TPRG1: variants seen among roughly 807,000 people sequenced by gnomAD.
TPRG1 encodes tumor protein p63-regulated gene 1 protein.
TPRG1 carries 29 observed loss-of-function variants against 29.3 expected under a neutral mutation model. The observed-to-expected ratio is 0.99, with a 90% CI of 0.74 to 1.35. The LOEUF is 1.35. Among genes scored for constraint, TPRG1 ranks in the 40% most tolerant of loss-of-function variants. The probability of loss-of-function intolerance (pLI) is 0.00; values close to 1 mark genes in which losing one functional copy is unlikely to be tolerated. For missense variants in TPRG1, 327 were observed against 335.0 expected, an observed-to-expected ratio of 0.98 and a Z score of 0.19; for synonymous variants, 130 against 116.8, an observed-to-expected ratio of 1.11 and a Z score of -0.73.
intron 4 of TPRG1, among the ~76,000 whole-genome samples, chr3:189,090,219 T>C (rs1293447397): frequency 1.3e-5 from 2 of 152,150 alleles, no homozygotes; most frequent in Non-Finnish European, 2.9e-5. Flanking sequence ...TGTCATTTAT[T>C]TCTAAATGGA....
intron 1 of TPRG1, among the ~76,000 whole-genome samples, chr3:189,196,196 T>C (rs1267211061): frequency 1.3e-5 from 2 of 152,314 alleles, no homozygotes; most frequent in East Asian, 3.9e-4. Flanking sequence ...TAATTTCTTA[T>C]TTGTAAAATG....
At chr3:189,146,091 C>T (rs1485909180) in intron 3 of TPRG1, among the ~76,000 whole-genome samples, 6 of 152,172 alleles carry the variant, frequency 3.9e-5, no homozygotes, top group Non-Finnish European at 2.9e-5. Flanking sequence ...ATAGTCAGAG[C>T]TTTACTATCA....
intron 3 of TPRG1, among the ~76,000 whole-genome samples, chr3:189,232,803 C>T (rs1738871756): frequency 6.6e-6 from 1 of 152,108 alleles, no homozygotes; most frequent in Non-Finnish European, 1.5e-5. Context: ...GAAGAGGAAC[C>T]AAATGACTGA....
intron 3 of TPRG1, among the ~76,000 whole-genome samples, chr3:189,138,851 AG>A (rs1377503619): frequency 6.6e-6 from 1 of 152,196 alleles, no homozygotes; most frequent in African/African-American, 2.4e-5. Flanking sequence ...TAGCTTCCCT[AG>A]GGGACAAGCA....
intron 3 of TPRG1, among the ~76,000 whole-genome samples, chr3:189,235,041 G>T (rs1739240647): frequency 6.6e-6 from 1 of 152,110 alleles, no homozygotes; most frequent in African/African-American, 2.4e-5. Flanking sequence ...ACAAGGATCT[G>T]AAAGAAGATA....
At chr3:189,219,478 C>A in intron 3 of TPRG1, 1 of 675,648 alleles carries the variant, frequency 1.5e-6, no homozygotes, top group Non-Finnish European at 2.1e-6. Context: ...TGTTTATTTC[C>A]ACCTTGCAGT....
rs1031104610 is a variant in TPRG1, at chr3:189,172,017, G to T, written c.-124G>T. ...AGACTGAGTGGGGTCACAGCACAGGGCACTGTCTTGCCTGGCTTTATCTGA... is the reference window on the plus strand; with the variant it reads ...AGACTGAGTGGGGTCACAGCACAGGTCACTGTCTTGCCTGGCTTTATCTGA... On this transcript the variant is annotated 5_prime_UTR_variant, in exon 1 of 6. Coordinates refer to ENST00000345063, the MANE Select transcript of TPRG1 (RefSeq NM_198485.4). 2 of 152,158 alleles carry T rather than the reference G, an allele frequency of 1.3e-5. No individual in the cohort carries two copies. The highest frequency in any genetic ancestry group is 4.8e-5 in the African/African-American group (2 of 41,430). 9.4% of individuals were successfully genotyped at this position (152,158 alleles called of 1,614,324 possible). A position where few individuals can be genotyped will look rare whatever the true frequency, so the allele number is the denominator to read the frequency against.
At chr3:189,034,804 A>G (rs1284694080) in intron 4 of TPRG1, among the ~76,000 whole-genome samples, 1 of 152,208 alleles carries the variant, frequency 6.6e-6, no homozygotes, top group Non-Finnish European at 1.5e-5. Flanking sequence ...CAACAAATGG[A>G]AAAACATTCC....
rs188089416 is a variant in TPRG1, at chr3:189,218,760, A to G, written c.302+3377A>G. 3.0e-4 allele frequency among the ~76,000 whole-genome samples: 45 copies of G among 152,202 alleles called. No individual in the cohort carries two copies. In the East Asian group the frequency reaches 7.7e-3, roughly 26 times the overall value. On this transcript the variant is annotated intron_variant, in intron 3 of 5. Coordinates refer to ENST00000345063, the MANE Select transcript of TPRG1 (RefSeq NM_198485.4). ...TGACAGAGCAAGGAAAATAGACTGCACTCCTGCATTCGTCTTGAGGCTGAT... is the reference window on the plus strand; with the variant it reads ...TGACAGAGCAAGGAAAATAGACTGCGCTCCTGCATTCGTCTTGAGGCTGAT...
chr3:189,089,258 C>T (rs1169511718), intron 4 of TPRG1, among the ~76,000 whole-genome samples: 3 of 152,128 alleles, frequency 2.0e-5, no homozygotes, highest in South Asian at 2.1e-4. Context: ...ATTCCTTTAA[C>T]AGAAATACTC....
rs1724453821 is a variant in TPRG1, at chr3:189,323,080, T to G, written c.*2260T>G. ...CAGTTCAAGATAAGAAAGAACTTCT[T>G]ATAGTTATAAATTTTCAATGATGGA... On this transcript the variant is annotated 3_prime_UTR_variant, in exon 6 of 6. Coordinates refer to ENST00000345063, the MANE Select transcript of TPRG1 (RefSeq NM_198485.4). 6.6e-6 allele frequency: 1 copy of G among 152,076 alleles called. No individual in the cohort carries two copies. Among genetic ancestry groups the G allele is most frequent in the Admixed American group, 6.6e-5 (1 of 15,246 alleles). 9.4% of individuals were successfully genotyped at this position (152,076 alleles called of 1,614,324 possible).
At chr3:189,282,233 G>GGCA (rs1226543722) in intron 4 of TPRG1, among the ~76,000 whole-genome samples, 1 of 45,562 alleles carries the variant, frequency 2.2e-5, no homozygotes, top group Non-Finnish European at 4.0e-5. Flanking sequence ...AAAAAAAAAA[G>GGCA]GCAGCAGCAT....
In TPRG1 at chr3:189,300,088, G is replaced by A. The variant is rs146245670; in HGVS notation, c.480-10298G>A. On this transcript the variant is annotated intron_variant, in intron 4 of 5. Coordinates refer to ENST00000345063, the MANE Select transcript of TPRG1 (RefSeq NM_198485.4). The stretch of plus-strand genomic sequence containing the variant: ...AGTGAACTCTATAATGATTATCTTC[G>A]TGTATGCTTACTGGGAAAGCAAACA... Among the ~76,000 whole-genome samples the A allele has an allele frequency of 1.8e-3, 271 of 152,290 alleles. 1 individual carries two copies. Among genetic ancestry groups the A allele is most frequent in the African/African-American group, 6.1e-3 (253 of 41,560 alleles).
chr3:189,114,343 T>A (rs1020079437), intron 1 of TPRG1, among the ~76,000 whole-genome samples: 5 of 152,046 alleles, frequency 3.3e-5, no homozygotes, highest in Non-Finnish European at 5.9e-5. Flanking sequence ...AGTGCAGTGA[T>A]GCGATCTCGG....
intron 5 of TPRG1, among the ~76,000 whole-genome samples, chr3:189,318,379 A>C (rs1030476030): frequency 6.6e-6 from 1 of 152,190 alleles, no homozygotes; most frequent in East Asian, 1.9e-4. Flanking sequence ...AGAGAAAAAA[A>C]GGTCAACTTT....
chr3:189,138,257 G>T (rs968895627), intron 3 of TPRG1, among the ~76,000 whole-genome samples: 2 of 152,212 alleles, frequency 1.3e-5, no homozygotes, highest in Non-Finnish European at 2.9e-5. Context: ...AGGCTTGGAG[G>T]TGTGAAAGAG....
chr3:189,113,832 T>C (rs1213194812), intron 1 of TPRG1, among the ~76,000 whole-genome samples: 1 of 151,942 alleles, frequency 6.6e-6, no homozygotes, highest in African/African-American at 2.4e-5. Context: ...GACGAGTTAA[T>C]GGGTGCAGCA....
chr3:189,060,618 C>T (rs573335480), intron 4 of TPRG1, among the ~76,000 whole-genome samples: 3 of 152,138 alleles, frequency 2.0e-5, no homozygotes, highest in East Asian at 3.9e-4. Flanking sequence ...AATCAATGTG[C>T]AAAAATTGTT....
chr3:189,304,369 G>C (rs1368616231), intron 4 of TPRG1, among the ~76,000 whole-genome samples: 1 of 151,950 alleles, frequency 6.6e-6, no homozygotes, highest in African/African-American at 2.4e-5. Flanking sequence ...CAATGCCCCT[G>C]AATCTTTTTT....
Sources: allele counts gnomAD v4.1 joint callset (sites outside exome capture counted in the v4.1 genomes callset), GRCh38; gene constraint gnomAD v4.1.1; transcripts MANE v1.5; gene names NCBI Gene and HGNC (gene_info 2026-07-23, HGNC 2026-07-21).